ST8SIA5: variants seen among roughly 807,000 people sequenced by gnomAD.
The protein encoded by ST8SIA5 is alpha-2,8-sialyltransferase 8E.
ST8SIA5 carries 24 observed loss-of-function variants against 40.2 expected under a neutral mutation model. The ratio of observed to expected loss-of-function variants is 0.60; its 90% CI spans 0.43 to 0.84. The LOEUF is 0.84. ST8SIA5 is among the 40% of genes least tolerant of loss of function. The probability of loss-of-function intolerance (pLI) is 0.00; values close to 1 mark genes in which losing one functional copy is unlikely to be tolerated. For synonymous variants in ST8SIA5, 198 were observed against 201.8 expected (o/e 0.98, Z 0.16); for missense variants, 465 against 498.5 (o/e 0.93, Z 0.64).
At chr18:46,742,850 G>C (rs2040100575) in intron 1 of ST8SIA5, among the ~76,000 whole-genome samples, 1 of 152,142 alleles carries the variant, frequency 6.6e-6, no homozygotes, top group African/African-American at 2.4e-5. Flanking sequence ...TGCCCCTCTG[G>C]GACGAAACTT....
At chr18:46,721,346 T>C (rs1392686738) in intron 1 of ST8SIA5, 1 of 1,535,650 alleles carries the variant, frequency 6.5e-7, no homozygotes, top group Non-Finnish European at 8.7e-7. Flanking sequence ...CCCTGGCCTT[T>C]TGCCGGGGTC....
chr18:46,703,248 C>T (rs1262340256), intron 2 of ST8SIA5, among the ~76,000 whole-genome samples: 9 of 152,204 alleles, frequency 5.9e-5, no homozygotes, highest in Admixed American at 5.9e-4. Context: ...TGGGTTCACG[C>T]CATTCTCCTG....
At chr18:46,719,820 C>T (rs1009052247) in intron 1 of ST8SIA5, among the ~76,000 whole-genome samples, 1 of 137,848 alleles carries the variant, frequency 7.3e-6, no homozygotes, top group African/African-American at 2.8e-5. Context: ...TCCTTCCTTT[C>T]TCTTTCTTTC....
chr18:46,742,088 G>A (rs967048659), intron 1 of ST8SIA5, among the ~76,000 whole-genome samples: 12 of 151,180 alleles, frequency 7.9e-5, no homozygotes, highest in East Asian at 3.9e-4. Context: ...GTGCCAGAGC[G>A]ACGCTCCATG....
At chr18:46,692,537 G>A (rs1167698896) in intron 2 of ST8SIA5, among the ~76,000 whole-genome samples, 2 of 151,920 alleles carry the variant, frequency 1.3e-5, no homozygotes, top group African/African-American at 4.8e-5. Flanking sequence ...CCGAGTAGCT[G>A]GGCCTACAGG....
At chr18:46,682,289 G>C (rs2039405594) in intron 5 of ST8SIA5, among the ~76,000 whole-genome samples, 1 of 152,264 alleles carries the variant, frequency 6.6e-6, no homozygotes, top group African/African-American at 2.4e-5. Context: ...ACATGGGGCA[G>C]AGAAATCACT....
chr18:46,729,932 G>A (rs1319614775), intron 1 of ST8SIA5, among the ~76,000 whole-genome samples: 1 of 152,158 alleles, frequency 6.6e-6, no homozygotes. Flanking sequence ...GAGGAGGCCA[G>A]GCCAGGGTTC....
chr18:46,702,115 C>T (rs112799737), intron 2 of ST8SIA5, among the ~76,000 whole-genome samples: 5,837 of 149,766 alleles, frequency 0.039, 150 homozygotes, highest in Middle Eastern at 0.079. Context: ...CCACTGCACT[C>T]CAGCCTGGGT....
intron 1 of ST8SIA5, among the ~76,000 whole-genome samples, chr18:46,711,630 G>A (rs754563785): frequency 2.0e-5 from 3 of 152,178 alleles, no homozygotes; most frequent in Non-Finnish European, 4.4e-5. Flanking sequence ...GATAGCACAC[G>A]ACCCGTCACA....
Position 46,672,375 on chromosome 18 carries a change from G to T in ST8SIA5, c.*7667C>A, listed in dbSNP as rs1396425526. Reference sequence around the variant, plus strand: ...TCCGGGAAGTAAAGGACCTGGCTTGGGGATTATTTTATAAAGACTTCCAGG... The same window carrying T: ...TCCGGGAAGTAAAGGACCTGGCTTGTGGATTATTTTATAAAGACTTCCAGG... On this transcript the variant is annotated 3_prime_UTR_variant, in exon 7 of 7. Transcript: ENST00000315087. 6.6e-6 allele frequency: 1 copy of T among 152,120 alleles called. No individual in the cohort carries two copies. Among genetic ancestry groups the T allele is most frequent in the Non-Finnish European group, 1.5e-5 (1 of 68,020 alleles). The allele number at this position is 152,120 out of a possible 1,614,324, so 9.4% of individuals were successfully genotyped here.
rs530700292 is a variant in ST8SIA5, at chr18:46,682,145, T to C, written c.570-81A>G. 8.3e-6 allele frequency: 9 copies of C among 1,083,716 alleles called. No individual in the cohort carries two copies. In the South Asian group the frequency reaches 1.3e-4, roughly 15 times the overall value. The allele number at this position is 1,083,716 out of a possible 1,614,324, so 67.1% of individuals were successfully genotyped here. A position where few individuals can be genotyped will look rare whatever the true frequency, so the allele number is the denominator to read the frequency against. ...GGAGGGTGCAGGGGGAGGGGAGGGATGGTGATCATGTGGGCAGAGGGATGC... is the reference window on the plus strand; with the variant it reads ...GGAGGGTGCAGGGGGAGGGGAGGGACGGTGATCATGTGGGCAGAGGGATGC... On this transcript the variant is annotated intron_variant, in intron 5 of 6. Transcript: ENST00000315087.
intron 1 of ST8SIA5, among the ~76,000 whole-genome samples, chr18:46,736,696 G>A (rs1172413540): frequency 6.6e-6 from 1 of 152,112 alleles, no homozygotes; most frequent in Admixed American, 6.6e-5. Flanking sequence ...GGAGTGAGGG[G>A]AGGGAGGTTT....
intron 1 of ST8SIA5, among the ~76,000 whole-genome samples, chr18:46,741,686 T>C (rs2040087628): frequency 6.6e-6 from 1 of 152,142 alleles, no homozygotes; most frequent in Admixed American, 6.5e-5. Context: ...ACAAGCTGGG[T>C]TTACCCCTAA....
chr18:46,700,322 A>C (rs1343957715), intron 2 of ST8SIA5, among the ~76,000 whole-genome samples: 1 of 152,232 alleles, frequency 6.6e-6, no homozygotes, highest in Non-Finnish European at 1.5e-5. Context: ...ACACCAGCTG[A>C]CATTCTGCAG....
At chr18:46,721,778 C>T (rs926834537) in intron 1 of ST8SIA5, among the ~76,000 whole-genome samples, 1 of 152,218 alleles carries the variant, frequency 6.6e-6, no homozygotes, top group Admixed American at 6.5e-5. Flanking sequence ...ACCTCCTATA[C>T]CGTGCCATCC....
intron 1 of ST8SIA5, among the ~76,000 whole-genome samples, chr18:46,719,538 C>T (rs1260549226): frequency 2.6e-5 from 4 of 152,140 alleles, no homozygotes; most frequent in African/African-American, 4.8e-5. Context: ...ATACTGGCAG[C>T]AGGAAAAGTT....
intron 1 of ST8SIA5, among the ~76,000 whole-genome samples, chr18:46,744,577 T>G (rs931355687): frequency 6.6e-6 from 1 of 151,984 alleles, no homozygotes; most frequent in East Asian, 1.9e-4. Flanking sequence ...AGTCCTTAGA[T>G]ACCTACAAAG....
chr18:46,680,433 G>A lies in ST8SIA5; in HGVS notation c.740C>T (p.Pro247Leu). 1 of 1,612,690 alleles carries A rather than the reference G, an allele frequency of 6.2e-7. No homozygotes were observed. The highest frequency in any genetic ancestry group is 8.5e-7 in the Non-Finnish European group (1 of 1,179,334). ...QVYENASVLL[P>L]AFYNTRNTDV... ...GGTGTTGCGCGTGTTGTAGAAGGCA[G>A]GCAGCAGCACCGACGCGTTCTCGTA... is the stretch of plus-strand genomic sequence containing the variant. Residue 247 changes from proline to leucine, a missense_variant, in exon 7 of 7, where the codon CCT (proline) becomes CTT (leucine). Transcript: ENST00000315087.
intron 1 of ST8SIA5, among the ~76,000 whole-genome samples, chr18:46,755,479 T>C (rs1464238948): frequency 3.3e-5 from 5 of 152,088 alleles, no homozygotes; most frequent in Admixed American, 1.3e-4. Context: ...GGCTCTGATA[T>C]GGGTGTATCC....
Sources: allele counts gnomAD v4.1 joint callset (sites outside exome capture counted in the v4.1 genomes callset), GRCh38; gene constraint gnomAD v4.1.1; transcripts MANE v1.5; gene names NCBI Gene and HGNC (gene_info 2026-07-23, HGNC 2026-07-21).